KCNMB2: variants seen among roughly 807,000 people sequenced by gnomAD.
The protein encoded by KCNMB2 is calcium-activated potassium channel subunit beta-2.
In KCNMB2, 9 loss-of-function variants were observed where a neutral mutation model predicts 24.5. That is an observed-to-expected ratio of 0.37 (90% confidence interval 0.22 to 0.64). KCNMB2 has a LOEUF of 0.64. KCNMB2 is among the 30% of genes least tolerant of loss of function. The probability of loss-of-function intolerance (pLI) is 0.63; values close to 1 mark genes in which losing one functional copy is unlikely to be tolerated. For synonymous variants in KCNMB2, 109 were observed against 104.4 expected (o/e 1.04, Z -0.27); for missense variants, 226 against 284.3 (o/e 0.79, Z 1.47).
chr3:178,641,161 T>A (rs1344879826), intron 1 of KCNMB2, among the ~76,000 whole-genome samples: 2 of 152,200 alleles, frequency 1.3e-5, no homozygotes, highest in Admixed American at 1.3e-4. Context: ...TCTTCAGTAT[T>A]GTGTAACTGA....
At chr3:178,756,297 T>A (rs577153394) in intron 1 of KCNMB2, among the ~76,000 whole-genome samples, 4 of 151,780 alleles carry the variant, frequency 2.6e-5, no homozygotes, top group Non-Finnish European at 5.9e-5. Flanking sequence ...AGTATGTATA[T>A]GGGCAGTCAA....
chr3:178,797,225 G>T (rs1197332315), intron 1 of KCNMB2, among the ~76,000 whole-genome samples: 1 of 152,042 alleles, frequency 6.6e-6, no homozygotes, highest in Admixed American at 6.6e-5. Flanking sequence ...AATAAGTAAT[G>T]AGATCAAAGC....
intron 1 of KCNMB2, among the ~76,000 whole-genome samples, chr3:178,792,773 TTA>T (rs1474701600): frequency 6.6e-6 from 1 of 152,242 alleles, no homozygotes; most frequent in Admixed American, 6.5e-5. Context: ...GTAGCTATTC[TTA>T]TATTGTATGA....
intron 1 of KCNMB2, among the ~76,000 whole-genome samples, chr3:178,543,896 C>G (rs760924693): frequency 6.6e-6 from 1 of 152,044 alleles, no homozygotes; most frequent in Non-Finnish European, 1.5e-5. Flanking sequence ...CTTTTTGTTG[C>G]AAGAATACTC....
chr3:178,690,709 A>G (rs1464705285), intron 1 of KCNMB2, among the ~76,000 whole-genome samples: 2 of 152,236 alleles, frequency 1.3e-5, no homozygotes, highest in Non-Finnish European at 2.9e-5. Flanking sequence ...CACATAAAAT[A>G]AGATTTCCCT....
chr3:178,721,945 C>T (rs1418873677), intron 1 of KCNMB2, among the ~76,000 whole-genome samples: 1 of 152,168 alleles, frequency 6.6e-6, no homozygotes, highest in African/African-American at 2.4e-5. Flanking sequence ...TTTTTTTACA[C>T]ATCCTTCTTA....
intron 1 of KCNMB2, among the ~76,000 whole-genome samples, chr3:178,602,667 T>C (rs1718126772): frequency 6.6e-6 from 1 of 151,860 alleles, no homozygotes; most frequent in South Asian, 2.1e-4. Context: ...GGTACGAGGG[T>C]CCTGCAGCTG....
At chr3:178,734,533 A>C (rs1723256093) in intron 1 of KCNMB2, among the ~76,000 whole-genome samples, 1 of 152,200 alleles carries the variant, frequency 6.6e-6, no homozygotes, top group Admixed American at 6.5e-5. Flanking sequence ...AATTAGCTGC[A>C]CAGCTTGTCT....
intron 1 of KCNMB2, among the ~76,000 whole-genome samples, chr3:178,694,009 T>C (rs1370071389): frequency 6.6e-6 from 1 of 152,144 alleles, no homozygotes; most frequent in African/African-American, 2.4e-5. Flanking sequence ...TGTATTAGTC[T>C]CTTCTCATGT....
intron 1 of KCNMB2, among the ~76,000 whole-genome samples, chr3:178,673,597 T>A (rs1259046386): frequency 1.3e-5 from 2 of 152,190 alleles, no homozygotes; most frequent in Middle Eastern, 3.4e-3. Context: ...GAGCAACCCC[T>A]TCACTTTGCA....
intron 1 of KCNMB2, among the ~76,000 whole-genome samples, chr3:178,627,124 T>C (rs1719149373): frequency 6.6e-6 from 1 of 152,080 alleles, no homozygotes; most frequent in Non-Finnish European, 1.5e-5. Context: ...GCTAGATTAT[T>C]TATAAACATT....
intron 1 of KCNMB2, among the ~76,000 whole-genome samples, chr3:178,636,645 G>T (rs1220930302): frequency 6.6e-6 from 1 of 152,158 alleles, no homozygotes; most frequent in East Asian, 1.9e-4. Flanking sequence ...CTTCATGTGG[G>T]ACAAATACAC....
In KCNMB2 at chr3:178,807,572, G is replaced by A. The variant is rs1210722314; in HGVS notation, c.56+107G>A. Reference sequence around the variant, plus strand: ...GCAACTGAGCCTTATGCTTTGCAATGTGGGGACAGACTCTACAGTACAGGA... The same window carrying A: ...GCAACTGAGCCTTATGCTTTGCAATATGGGGACAGACTCTACAGTACAGGA... On this transcript the variant is annotated intron_variant, in intron 2 of 4. Transcript: ENST00000452583. The A allele has an allele frequency of 3.3e-6, 3 of 917,728 alleles. No homozygotes were observed. In the African/African-American group the frequency reaches 4.9e-5, roughly 15 times the overall value. The allele number at this position is 917,728 out of a possible 1,614,324, so 56.8% of individuals were successfully genotyped here. A position where few individuals can be genotyped will look rare whatever the true frequency, so the allele number is the denominator to read the frequency against.
intron 1 of KCNMB2, among the ~76,000 whole-genome samples, chr3:178,777,030 CT>C (rs1712609919): frequency 1.3e-5 from 2 of 152,138 alleles, no homozygotes; most frequent in African/African-American, 4.8e-5. Flanking sequence ...GCCCATAATA[CT>C]TTAAGAGAGA....
intron 1 of KCNMB2, chr3:178,749,358 A>T (rs2108386701): frequency 6.6e-6 from 1 of 152,378 alleles, no homozygotes; most frequent in East Asian, 1.9e-4. Flanking sequence ...ATCTTATCTC[A>T]TTTCAACTGG....
intron 1 of KCNMB2, among the ~76,000 whole-genome samples, chr3:178,666,711 T>C (rs985598364): frequency 6.6e-6 from 1 of 152,130 alleles, no homozygotes; most frequent in Admixed American, 6.6e-5. Context: ...CTGTGAAAAA[T>C]GCCAAGGCAA....
At chr3:178,633,149 T>C (rs1221432738) in intron 1 of KCNMB2, among the ~76,000 whole-genome samples, 2 of 152,156 alleles carry the variant, frequency 1.3e-5, no homozygotes, top group African/African-American at 4.8e-5. Context: ...CAGGCTGGCA[T>C]TGAGTGTCTG....
At chr3:178,835,100 A>C (rs1284364059) in intron 4 of KCNMB2, among the ~76,000 whole-genome samples, 1 of 151,556 alleles carries the variant, frequency 6.6e-6, no homozygotes, top group Non-Finnish European at 1.5e-5. Flanking sequence ...CTCCTTAGTC[A>C]ATTTCCTAGG....
intron 1 of KCNMB2, among the ~76,000 whole-genome samples, chr3:178,605,526 T>G (rs2863186): frequency 0.37 from 55,976 of 151,932 alleles, 10,841 homozygotes; most frequent in East Asian, 0.47. Context: ...AGTTTGCATT[T>G]CCATGAATAG....
Sources: allele counts gnomAD v4.1 joint callset (sites outside exome capture counted in the v4.1 genomes callset), GRCh38; gene constraint gnomAD v4.1.1; transcripts MANE v1.5; gene names NCBI Gene and HGNC (gene_info 2026-07-23, HGNC 2026-07-21).